The following ATP8B3 variants were observed in gnomAD, a reference collection of about 807,000 sequenced individuals.
The protein encoded by ATP8B3 is phospholipid-transporting ATPase IK.
In ATP8B3, 141 loss-of-function variants were observed where a neutral mutation model predicts 140.9. That is an observed-to-expected ratio of 1.00 (90% CI 0.87 to 1.15). ATP8B3 has a LOEUF of 1.15. ATP8B3 is among the 50% of genes most tolerant of loss of function. ATP8B3 has a pLI of 0.00. For synonymous variants in ATP8B3, 765 were observed against 714.6 expected (o/e 1.07, Z -1.13); for missense variants, 1,874 against 1,740.6 (o/e 1.08, Z -1.36).
In ATP8B3 at chr19:1,811,722, G is replaced by C. The variant is rs766577817; in HGVS notation, c.15C>G (p.Pro5=). MGTG[P]AQTPRSTRAG... ...CTCTGGTGCTCCTGGGAGTCTGAGC[G>C]GGGCCAGTGCCCATTCACCGCATGA... is the stretch of plus-strand genomic sequence containing the variant. The change falls in exon 2 of 29, where the codon CCC becomes CCG. Residue 5 remains proline, a synonymous_variant. Coordinates refer to ENST00000310127, the MANE Select transcript of ATP8B3 (RefSeq NM_138813.4). The C allele has an allele frequency of 1.1e-5, 18 of 1,597,046 alleles. No individual in the cohort carries two copies. The highest frequency in any genetic ancestry group is 2.2e-5 in the South Asian group (2 of 90,386).
In ATP8B3 at chr19:1,806,032, C is replaced by T; in HGVS notation, c.750+65G>A. 6.2e-7 allele frequency: 1 copy of T among 1,605,540 alleles called. No individual in the cohort carries two copies. Among genetic ancestry groups the T allele is most frequent in the Non-Finnish European group, 8.5e-7 (1 of 1,175,994 alleles). On this transcript the variant is annotated intron_variant, in intron 8 of 28. Coordinates refer to ENST00000310127, the MANE Select transcript of ATP8B3 (RefSeq NM_138813.4). The surrounding 1 kb of genome is among the most constrained non-coding windows in gnomAD (Gnocchi z 5.6). ...TGGGGGTGCGGCAGCCCTCCCCACC[C>T]TGGGAGGGGTGCTCTCGGTGAGGGG...
chr19:1,801,840 C>T, intron 12 of ATP8B3, 116 bp downstream of exon 12: 1 of 589,988 alleles, frequency 1.7e-6, no homozygotes, highest in Non-Finnish European at 2.8e-6. Flanking sequence ...CAAAGACCTG[C>T]CCACAGGATC....
At chr19:1,784,147 C>A (rs1170236894) in intron 28 of ATP8B3, among the ~76,000 whole-genome samples, 1 of 152,142 alleles carries the variant, frequency 6.6e-6, no homozygotes, top group African/African-American at 2.4e-5. Flanking sequence ...CTAAGTTCCT[C>A]CTTTTGCCTA....
Position 1,788,155 on chromosome 19 carries a change from C to T in ATP8B3, c.3069+742G>A, listed in dbSNP as rs561052237. Among the ~76,000 whole-genome samples, 14 of 152,308 alleles carry T rather than the reference C, an allele frequency of 9.2e-5. No homozygotes were observed. The South Asian group carries it at 2.9e-3, about 32-fold the overall frequency. ...TAGTGATGGGAGCTCATTCCTTCTCCAAGGCACCTGCTTCCCAGCAGTTTC... is the reference window on the plus strand; with the variant it reads ...TAGTGATGGGAGCTCATTCCTTCTCTAAGGCACCTGCTTCCCAGCAGTTTC... On this transcript the variant is annotated intron_variant, in intron 24 of 28. Coordinates refer to ENST00000310127, the MANE Select transcript of ATP8B3 (RefSeq NM_138813.4).
Position 1,805,078 on chromosome 19 carries a change from C to T in ATP8B3, c.904+296G>A, listed in dbSNP as rs550447504. 475 of 413,710 alleles carry T rather than the reference C, an allele frequency of 1.1e-3. No homozygotes were observed. The highest frequency in any genetic ancestry group is 7.7e-3 in the African/African-American group (378 of 49,102). The allele number at this position is 413,710 out of a possible 1,614,324, so 25.6% of individuals were successfully genotyped here. A position where few individuals can be genotyped will look rare whatever the true frequency, so the allele number is the denominator to read the frequency against. ...CAGCCTCAGCCTCCCTGAGCTCAAG[C>T]GAGCCTCCCACCTCAGCCTCCCAAG... is the stretch of plus-strand genomic sequence containing the variant. On this transcript the variant is annotated intron_variant, in intron 10 of 28. Coordinates refer to ENST00000310127, the MANE Select transcript of ATP8B3 (RefSeq NM_138813.4). This position sits in a 1 kb window ranked among gnomAD's most constrained non-coding sequence, Gnocchi z 5.2.
At chr19:1,802,119 AC>A in intron 11 of ATP8B3, 75 bp from the exon 12 acceptor site, 1 of 773,028 alleles carries the variant, frequency 1.3e-6, no homozygotes, top group Non-Finnish European at 1.7e-6. Flanking sequence ...TCACCCATCC[AC>A]CCACTCCCCC....
intron 23 of ATP8B3, 41 bp from the exon 24 acceptor site, chr19:1,789,161 C>G (rs1316575519): frequency 1.4e-6 from 2 of 1,432,868 alleles, no homozygotes; most frequent in South Asian, 2.5e-5. Flanking sequence ...CGCACGCCCC[C>G]AGTCCCGCCC....
At position 1,782,887 on chromosome 19, in the gene ATP8B3, T is replaced by C. The variant is rs58122147; in HGVS notation, c.*141A>G. ...TGAGCACATATTTGGGGAGGGCAGG[T>C]TGGTTTTCTGGATGAAGAGCGGATT... On this transcript the variant is annotated 3_prime_UTR_variant, in exon 29 of 29. Coordinates refer to ENST00000310127, the MANE Select transcript of ATP8B3 (RefSeq NM_138813.4). 61,249 of 1,143,634 alleles carry C rather than the reference T, an allele frequency of 0.054. 2,523 individuals are homozygous for C. The highest frequency in any genetic ancestry group is 0.19 in the African/African-American group (12,110 of 63,724). 70.8% of individuals were successfully genotyped at this position (1,143,634 alleles called of 1,614,324 possible).
chr19:1,789,968 C>T lies in ATP8B3; in HGVS notation c.2400G>A (p.Trp800Ter). The change falls in exon 22 of 29, where the codon TGG (tryptophan) becomes TGA (stop). Residue 800 changes from tryptophan (W) to a stop codon, truncating the protein, a stop_gained. Transcript: ENST00000310127. LOFTEE classifies it high-confidence loss of function. ...KEISRILETY[W>*]ENSNNLLTRE... ...TGGTTAGAAGGTTGTTACTGTTTTCCCAGTAGGTCTCCAGGATGCGGCTGC... is the reference window on the plus strand; with the variant it reads ...TGGTTAGAAGGTTGTTACTGTTTTCTCAGTAGGTCTCCAGGATGCGGCTGC... 1 of 1,611,986 alleles carries T rather than the reference C, an allele frequency of 6.2e-7. No homozygotes were observed. The highest frequency in any genetic ancestry group is 8.5e-7 in the Non-Finnish European group (1 of 1,179,514).
At chr19:1,809,128 C>G (rs1222440390) in intron 4 of ATP8B3, among the ~76,000 whole-genome samples, 14 of 146,360 alleles carry the variant, frequency 9.6e-5, no homozygotes, top group East Asian at 8.3e-4. Flanking sequence ...GAGCCGAGAT[C>G]TCGCCACTGC....
At chr19:1,791,099 T>C (rs1429293080) in intron 20 of ATP8B3, among the ~76,000 whole-genome samples, 1 of 152,218 alleles carries the variant, frequency 6.6e-6, no homozygotes, top group African/African-American at 2.4e-5. Context: ...GTGCCTAGGA[T>C]CCACAGTGCC....
Position 1,805,150 on chromosome 19 carries a change from A to G in ATP8B3, c.904+224T>C, listed in dbSNP as rs545790518. The G allele has an allele frequency of 1.5e-3, 782 of 523,914 alleles. No homozygotes were observed. The highest frequency in any genetic ancestry group is 2.4e-3 in the Non-Finnish European group (682 of 285,082). The allele number at this position is 523,914 out of a possible 1,614,324, so 32.5% of individuals were successfully genotyped here. A position where few individuals can be genotyped will look rare whatever the true frequency, so the allele number is the denominator to read the frequency against. ...GCCACCACGCCCAGCTACTTGTTTT[A>G]TTTTTGTAGAGATGGGGTCTCGTTA... is the stretch of plus-strand genomic sequence containing the variant. On this transcript the variant is annotated intron_variant, in intron 10 of 28. Transcript: ENST00000310127. This position sits in a 1 kb window ranked among gnomAD's most constrained non-coding sequence, Gnocchi z 5.2.
At position 1,783,017 on chromosome 19, in the gene ATP8B3, T is replaced by C; in HGVS notation, c.*11A>G. On this transcript the variant is annotated 3_prime_UTR_variant, in exon 29 of 29. Coordinates refer to ENST00000310127, the MANE Select transcript of ATP8B3 (RefSeq NM_138813.4). ...CTTCTTCTTCCCCAGGAAGGACATCTTCCTGAGGTGTCACTGTGACTCTTT... is the reference window on the plus strand; with the variant it reads ...CTTCTTCTTCCCCAGGAAGGACATCCTCCTGAGGTGTCACTGTGACTCTTT... 1 of 1,595,712 alleles carries C rather than the reference T, an allele frequency of 6.3e-7. No individual in the cohort carries two copies. The highest frequency in any genetic ancestry group is 8.5e-7 in the Non-Finnish European group (1 of 1,171,716).
chr19:1,789,274 G>T, intron 23 of ATP8B3, 87 bp downstream of exon 23: 1 of 1,341,696 alleles, frequency 7.5e-7, no homozygotes, highest in Non-Finnish European at 9.7e-7. Flanking sequence ...CCCCTCACCT[G>T]CCCCAGGTCC....
At chr19:1,790,679 A>G in intron 21 of ATP8B3, 78 bp downstream of exon 21, 1 of 749,642 alleles carries the variant, frequency 1.3e-6, no homozygotes, top group Non-Finnish European at 1.6e-6. Context: ...CTCCCCGTCC[A>G]GTGAGACACG....
chr19:1,787,350 C>T (rs557122136), intron 24 of ATP8B3, among the ~76,000 whole-genome samples, 164 bp from the exon 25 acceptor site: 1 of 151,982 alleles, frequency 6.6e-6, no homozygotes, highest in African/African-American at 2.4e-5. Context: ...CTGATAAAGG[C>T]GGCAAGATAA....
Position 1,800,502 on chromosome 19 carries a change from GC to G in ATP8B3, c.1153-54del, listed in dbSNP as rs2068813917. ...GAGGGGGGCGGGGGTCCCCCACTCT[GC>G]CATCAGGATGGGGTAAACACAAAGA... On this transcript the variant is annotated intron_variant, in intron 12 of 28. Coordinates refer to ENST00000310127, the MANE Select transcript of ATP8B3 (RefSeq NM_138813.4). This position sits in a 1 kb window ranked among gnomAD's most constrained non-coding sequence, Gnocchi z 4.4. 2.7e-6 allele frequency: 4 copies of G among 1,506,250 alleles called. No individual in the cohort carries two copies. The South Asian group carries it at 4.6e-5, about 17-fold the overall frequency. The allele number at this position is 1,506,250 out of a possible 1,614,324, so 93.3% of individuals were successfully genotyped here. A position where few individuals can be genotyped will look rare whatever the true frequency, so the allele number is the denominator to read the frequency against.
Position 1,796,199 on chromosome 19 carries a change from C to A in ATP8B3, c.1820G>T (p.Gly607Val), listed in dbSNP as rs1437798598. Residue 607 changes from glycine to valine, a missense_variant, in exon 17 of 29, where the codon GGC (glycine) becomes GTC (valine). Physicochemically the swap from Gly to Val is moderately radical, Grantham distance 109. Coordinates refer to ENST00000310127, the MANE Select transcript of ATP8B3 (RefSeq NM_138813.4). ...CTGGGTGCGGGACAGGAACACGTAG[C>A]CGAAGTTCCGGGCTGCGGTGACCAG... ...GALVTAARNFGYVFLSRTQDT... is the reference protein window; with the variant it reads ...GALVTAARNFVYVFLSRTQDT... 1 of 1,612,742 alleles carries A rather than the reference C, an allele frequency of 6.2e-7. No homozygotes were observed. Among genetic ancestry groups the A allele is most frequent in the Non-Finnish European group, 8.5e-7 (1 of 1,179,882 alleles).
At position 1,783,073 on chromosome 19, in the gene ATP8B3, G is replaced by A; in HGVS notation, c.3858C>T (p.Asp1286=). 3 of 1,612,748 alleles carry A rather than the reference G, an allele frequency of 1.9e-6. No homozygotes were observed. The highest frequency in any genetic ancestry group is 2.2e-5 in the East Asian group (1 of 44,862). The change falls in exon 29 of 29, where the codon GAC becomes GAT. Residue 1286 remains aspartate (D), a synonymous_variant. Transcript: ENST00000310127. ...TCGAAGCTGCCTCTTCATCAGATGG[G>A]TCTAGGGATTCAGATGCTATGTCAC... is the stretch of plus-strand genomic sequence containing the variant. ...VSSDIASESL[D]PSDEEAASSP...
Sources: gnomAD v4.1 joint callset for allele counts (sites outside exome capture counted in the v4.1 genomes callset) on GRCh38, gnomAD v4.1.1 for gene constraint, Gnocchi (gnomAD v3.1) non-coding constraint, MANE v1.5 for transcripts, NCBI Gene and HGNC (gene_info 2026-07-23, HGNC 2026-07-21) for gene names.